The following GRM5 variants were observed in gnomAD, a reference collection of about 807,000 sequenced individuals.
GRM5 encodes metabotropic glutamate receptor 5.
In GRM5, 19 loss-of-function variants were observed where a neutral mutation model predicts 83.1. That is an observed-to-expected ratio of 0.23 (90% CI 0.16 to 0.34). GRM5 has a LOEUF of 0.34. Ranked by LOEUF, GRM5 falls within the 10% of genes least tolerant of loss-of-function variation. The probability of loss-of-function intolerance (pLI) is 1.00; values close to 1 mark genes in which losing one functional copy is unlikely to be tolerated. For synonymous variants in GRM5, 675 were observed against 633.6 expected (o/e 1.07, Z -0.98); for missense variants, 1,160 against 1,588.3 (o/e 0.73, Z 4.58).
At chr11:88,832,342 G>C (rs1222589915) in intron 3 of GRM5, among the ~76,000 whole-genome samples, 2 of 151,966 alleles carry the variant, frequency 1.3e-5, no homozygotes, top group East Asian at 3.9e-4. Context: ...ACTGGCTGAG[G>C]AGAAAATAAA....
At chr11:88,886,877 G>A (rs1380731432) in intron 2 of GRM5, among the ~76,000 whole-genome samples, 1 of 152,120 alleles carries the variant, frequency 6.6e-6, no homozygotes, top group Admixed American at 6.5e-5. Flanking sequence ...CAGCGATATA[G>A]CTCAAGGGAA....
chr11:88,841,595 T>G (rs1944202818), intron 3 of GRM5, among the ~76,000 whole-genome samples: 1 of 152,188 alleles, frequency 6.6e-6, no homozygotes, highest in African/African-American at 2.4e-5. Context: ...CTTCATACGT[T>G]TCCTTTTCTT....
intron 3 of GRM5, among the ~76,000 whole-genome samples, chr11:88,706,203 A>T (rs1478957255): frequency 1.3e-5 from 2 of 152,200 alleles, no homozygotes; most frequent in African/African-American, 4.8e-5. Context: ...TTTATCTTCC[A>T]TCAGATCTTC....
chr11:88,727,140 G>C (rs1941703846), intron 3 of GRM5, among the ~76,000 whole-genome samples: 1 of 152,134 alleles, frequency 6.6e-6, no homozygotes, highest in South Asian at 2.1e-4. Context: ...GTATTCAGGA[G>C]ACCCATCTCA....
chr11:88,884,048 G>C (rs148262125), intron 2 of GRM5, among the ~76,000 whole-genome samples: 1,559 of 152,224 alleles, frequency 0.01, 33 homozygotes, highest in African/African-American at 0.036. Flanking sequence ...GCACTGCCTA[G>C]TGGAATTGTG....
chr11:88,509,433 A>G lies in GRM5; in HGVS notation c.2798T>C (p.Leu933Pro), dbSNP rs1941300806. The change falls in exon 10 of 10, where the codon CTG becomes CCG. Residue 933 changes from leucine to proline, a missense_variant. This residue lies in a region of GRM5 where 562 missense variants were observed against 532.4 expected (regional missense o/e 1.06). Transcript: ENST00000305447. ...TTCTTTCTTGTTGATGTGGATGGAC[A>G]GGCGCTGCCACAGGTGCTGCCCCCG... ...SSRGQHLWQR[L>P]SIHINKKENP... is the part of the protein sequence containing the mutation. 1.2e-6 allele frequency: 2 copies of G among 1,612,444 alleles called. No homozygotes were observed. Among genetic ancestry groups the G allele is most frequent in the Non-Finnish European group, 8.5e-7 (1 of 1,179,534 alleles).
intron 2 of GRM5, among the ~76,000 whole-genome samples, chr11:88,974,796 C>G (rs1001143575): frequency 1.3e-5 from 2 of 152,074 alleles, no homozygotes; most frequent in Non-Finnish European, 2.9e-5. Flanking sequence ...AATGTCTTCT[C>G]TCTCACCCCA....
intron 3 of GRM5, among the ~76,000 whole-genome samples, chr11:88,684,260 T>C (rs954685620): frequency 6.6e-6 from 1 of 152,332 alleles, no homozygotes; most frequent in South Asian, 2.1e-4. Flanking sequence ...CTAAATATGA[T>C]ATGAAACCAT....
At chr11:88,994,152 G>A (rs1940091534) in intron 2 of GRM5, among the ~76,000 whole-genome samples, 1 of 151,732 alleles carries the variant, frequency 6.6e-6, no homozygotes, top group East Asian at 1.9e-4. Flanking sequence ...AGAATTAAAT[G>A]CTTGGGAATA....
At position 88,507,561 on chromosome 11, in the gene GRM5, C is replaced by T. The variant is rs1941210736; in HGVS notation, c.*1031G>A. 6.6e-6 allele frequency: 1 copy of T among 152,188 alleles called. No individual in the cohort carries two copies. The highest frequency in any genetic ancestry group is 1.5e-5 in the Non-Finnish European group (1 of 68,026). 9.4% of individuals were successfully genotyped at this position (152,188 alleles called of 1,614,324 possible). ...TTCCAGTGGTGGGACTCGAAAAGAA[C>T]AAAGGAGCTCTTTGTGCATCAGGTT... On this transcript the variant is annotated 3_prime_UTR_variant, in exon 10 of 10. Transcript: ENST00000305447.
chr11:88,673,717 C>A (rs942060465), intron 3 of GRM5, among the ~76,000 whole-genome samples: 1 of 151,482 alleles, frequency 6.6e-6, no homozygotes, highest in Admixed American at 6.6e-5. Context: ...ACTTGAATGT[C>A]CAGTTAGAGC....
intron 4 of GRM5, among the ~76,000 whole-genome samples, chr11:88,625,671 T>C (rs953323391): frequency 2.0e-5 from 3 of 152,176 alleles, no homozygotes; most frequent in Non-Finnish European, 4.4e-5. Context: ...ACCTGTTGGC[T>C]ACTGTGCTCA....
chr11:88,873,882 A>G (rs1377074703), intron 2 of GRM5, among the ~76,000 whole-genome samples: 1 of 151,714 alleles, frequency 6.6e-6, no homozygotes, highest in East Asian at 1.9e-4. Flanking sequence ...TAAACAGAAC[A>G]TAGACTAAAA....
chr11:88,908,527 C>T (rs1006275738), intron 2 of GRM5, among the ~76,000 whole-genome samples: 1 of 152,102 alleles, frequency 6.6e-6, no homozygotes, highest in East Asian at 1.9e-4. Flanking sequence ...TATCTTTCCA[C>T]AAGCTTAAAA....
chr11:88,854,165 T>C (rs1405606490), intron 2 of GRM5, among the ~76,000 whole-genome samples: 1 of 151,572 alleles, frequency 6.6e-6, no homozygotes, highest in East Asian at 1.9e-4. Flanking sequence ...AGCATATTAT[T>C]CATTTTTGTA....
chr11:88,709,853 A>T (rs1055086565), intron 3 of GRM5, among the ~76,000 whole-genome samples: 7 of 152,146 alleles, frequency 4.6e-5, no homozygotes, highest in African/African-American at 1.7e-4. Context: ...CTGAACAAAC[A>T]GAATCTGTTC....
At chr11:89,026,238 A>T (rs1006524428) in intron 2 of GRM5, among the ~76,000 whole-genome samples, 3 of 152,150 alleles carry the variant, frequency 2.0e-5, no homozygotes, top group Non-Finnish European at 2.9e-5. Flanking sequence ...GTGACAAAAT[A>T]ATCTGTACAC....
At chr11:88,543,286 G>C (rs1304632499) in intron 8 of GRM5, among the ~76,000 whole-genome samples, 1 of 152,106 alleles carries the variant, frequency 6.6e-6, no homozygotes, top group East Asian at 1.9e-4. Flanking sequence ...TTCTCACATG[G>C]GGCCTTGTAG....
At chr11:88,932,493 A>G (rs960032427) in intron 2 of GRM5, among the ~76,000 whole-genome samples, 2 of 151,924 alleles carry the variant, frequency 1.3e-5, no homozygotes, top group Admixed American at 6.6e-5. Flanking sequence ...CTAGTTCCTC[A>G]TATATAGTGA....
Sources: gnomAD v4.1 joint callset for allele counts (sites outside exome capture counted in the v4.1 genomes callset) on GRCh38, gnomAD v4.1.1 for gene constraint, gnomAD v4.1.1 regional missense constraint, MANE v1.5 for transcripts, NCBI Gene and HGNC (gene_info 2026-07-23, HGNC 2026-07-21) for gene names.